OTOP1: variants seen among roughly 807,000 people sequenced by gnomAD.
OTOP1 encodes otopetrin 1, also known as proton channel OTOP1.
OTOP1 carries 59 observed loss-of-function variants against 52.9 expected under a neutral mutation model. The ratio of observed to expected loss-of-function variants is 1.12; its 90% CI spans 0.91 to 1.39. The LOEUF (loss-of-function observed/expected upper bound fraction) is 1.39, where lower values mean the gene tolerates loss of function less well. OTOP1 is among the 40% of genes most tolerant of loss of function. The probability of loss-of-function intolerance (pLI) is 0.00; values close to 1 mark genes in which losing one functional copy is unlikely to be tolerated. For synonymous variants in OTOP1, 317 were observed against 337.7 expected (o/e 0.94, Z 0.67); for missense variants, 761 against 800.9 (o/e 0.95, Z 0.60).
Position 4,201,882 on chromosome 4 carries a change from T to C in OTOP1, c.730+566A>G, listed in dbSNP as rs555634234. ...AATGTTCTCATATAGAAGTGACATA[T>C]TGTAAATGCTAAAGGATTTTAGATG... On this transcript the variant is annotated intron_variant, in intron 4 of 5. Transcript: ENST00000296358. Among the ~76,000 whole-genome samples, 19 of 152,240 alleles carry C rather than the reference T, an allele frequency of 1.2e-4. No individual in the cohort carries two copies. The East Asian group carries it at 3.3e-3, about 26-fold the overall frequency.
intron 1 of OTOP1, among the ~76,000 whole-genome samples, chr4:4,216,327 T>C (rs1717151644): frequency 6.6e-6 from 1 of 152,192 alleles, no homozygotes; most frequent in African/African-American, 2.4e-5. Context: ...AAGAAATTAG[T>C]GAGAAAAAGG....
rs2108808876 is a variant in OTOP1, at chr4:4,226,450, G to A, written c.403+12C>T. 2 of 1,460,694 alleles carry A rather than the reference G, an allele frequency of 1.4e-6. No individual in the cohort carries two copies. The highest frequency in any genetic ancestry group is 5.5e-5 in the East Asian group (2 of 36,090). The allele number at this position is 1,460,694 out of a possible 1,614,324, so 90.5% of individuals were successfully genotyped here. A position where few individuals can be genotyped will look rare whatever the true frequency, so the allele number is the denominator to read the frequency against. On this transcript the variant is annotated intron_variant, in intron 1 of 5. Transcript: ENST00000296358. ...GGAGGCGGAGACCCGCTCGCCCGGC[G>A]CCTGGACTCACCGCGCAGCCAGCCG...
At chr4:4,207,667 T>C (rs530938022) in intron 2 of OTOP1, among the ~76,000 whole-genome samples, 35 of 152,220 alleles carry the variant, frequency 2.3e-4, no homozygotes, top group East Asian at 1.9e-4. Flanking sequence ...CCCATGTTCA[T>C]AGCAGCATTA....
At chr4:4,190,730 GGACCCTGGAACCAA>G (rs1716482885) in intron 5 of OTOP1, among the ~76,000 whole-genome samples, 1 of 152,178 alleles carries the variant, frequency 6.6e-6, no homozygotes, top group South Asian at 2.1e-4. Flanking sequence ...TCCACCACGG[GGACCCTGGAACCAA>G]GACCCCTCTC....
At chr4:4,201,673 C>A (rs1030875946) in intron 4 of OTOP1, among the ~76,000 whole-genome samples, 33 of 152,034 alleles carry the variant, frequency 2.2e-4, no homozygotes, top group African/African-American at 7.7e-4. Flanking sequence ...AAAACTGCCA[C>A]AGACTTGCTG....
rs1560205219 is a variant in OTOP1 at position 4,197,150 on chromosome 4, A to G, written c.1668+16T>C. ...AAGTAAAATTAAAAGAATAAGAATAACTTGGTGCAGATTACCGAAATATTG... is the reference window on the plus strand; with the variant it reads ...AAGTAAAATTAAAAGAATAAGAATAGCTTGGTGCAGATTACCGAAATATTG... On this transcript the variant is annotated intron_variant, in intron 5 of 5. Transcript: ENST00000296358. 6.3e-7 allele frequency: 1 copy of G among 1,584,420 alleles called. No homozygotes were observed. The highest frequency in any genetic ancestry group is 8.6e-7 in the Non-Finnish European group (1 of 1,163,642).
chr4:4,191,757 T>G (rs1228808777), intron 5 of OTOP1, among the ~76,000 whole-genome samples: 2 of 152,208 alleles, frequency 1.3e-5, no homozygotes, highest in African/African-American at 4.8e-5. Context: ...GTGTCTTTCT[T>G]GCTCAGCTGA....
chr4:4,207,699 A>G (rs1206964471), intron 2 of OTOP1, among the ~76,000 whole-genome samples: 2 of 152,192 alleles, frequency 1.3e-5, no homozygotes, highest in Non-Finnish European at 2.9e-5. Flanking sequence ...CAAGAGGTAG[A>G]AGCAACTGAA....
In OTOP1 at chr4:4,206,150, G is replaced by T; in HGVS notation, c.541-20C>A. The T allele has an allele frequency of 6.4e-7, 1 of 1,573,238 alleles. No homozygotes were observed. ...ATATACCTAGATGGAAATAAAGAAAGAAAAGAAAAATCGGTGAGACACTCA... is the reference window on the plus strand; with the variant it reads ...ATATACCTAGATGGAAATAAAGAAATAAAAGAAAAATCGGTGAGACACTCA... On this transcript the variant is annotated intron_variant, in intron 2 of 5. Transcript: ENST00000296358.
chr4:4,216,998 T>C (rs1577183648), intron 1 of OTOP1, among the ~76,000 whole-genome samples: 1 of 152,174 alleles, frequency 6.6e-6, no homozygotes. Flanking sequence ...TTTGCATCTC[T>C]AACAAATTTT....
At chr4:4,190,339 C>T (rs147490993) in intron 5 of OTOP1, among the ~76,000 whole-genome samples, 5,352 of 152,142 alleles carry the variant, frequency 0.035, 294 homozygotes, top group African/African-American at 0.12. Flanking sequence ...CCAGGTATGG[C>T]GGCATGTGCC....
rs1716418653 is a variant in OTOP1 at position 4,188,866 on chromosome 4, A to G, written c.1776T>C (p.Pro592=). The change falls in exon 6 of 6, where the codon CCT becomes CCC. Residue 592 remains proline (P), a synonymous_variant. Coordinates refer to ENST00000296358, the MANE Select transcript of OTOP1 (RefSeq NM_177998.3). The part of the protein sequence containing the change: ...PWIIVVNLAM[P]FSIFYRMHAA... ...CGTGCATTCGATAGAAAATAGAAAA[A>G]GGCATGGCCAGGTTGACCACAATTA... is the stretch of plus-strand genomic sequence containing the variant. 2 of 1,613,910 alleles carry G rather than the reference A, an allele frequency of 1.2e-6. No individual in the cohort carries two copies. The highest frequency in any genetic ancestry group is 1.7e-6 in the Non-Finnish European group (2 of 1,179,808).
intron 5 of OTOP1, among the ~76,000 whole-genome samples, chr4:4,196,264 AG>A (rs1457350867): frequency 1.3e-5 from 2 of 152,136 alleles, no homozygotes; most frequent in African/African-American, 4.8e-5. Flanking sequence ...ACAAAAAAAA[AG>A]TTTTGGCCAG....
chr4:4,197,138 AG>A (rs1212932651), intron 5 of OTOP1, 27 bp downstream of exon 5: 1 of 1,552,092 alleles, frequency 6.4e-7, no homozygotes, highest in Non-Finnish European at 8.7e-7. Context: ...TAAAATTAAA[AG>A]AATAAGAATA....
chr4:4,201,461 T>TAC (rs1167229533), intron 4 of OTOP1, among the ~76,000 whole-genome samples: 13 of 132,850 alleles, frequency 9.8e-5, no homozygotes, highest in Admixed American at 7.8e-4. Context: ...AATAAATAAA[T>TAC]ATATATATAT....
intron 4 of OTOP1, among the ~76,000 whole-genome samples, chr4:4,200,305 C>A (rs577078298): frequency 6.6e-6 from 1 of 151,940 alleles, no homozygotes; most frequent in African/African-American, 2.4e-5. Context: ...ACCATCCTGG[C>A]TCTACTAAAA....
chr4:4,190,065 C>G (rs569519808), intron 5 of OTOP1, among the ~76,000 whole-genome samples: 1 of 152,320 alleles, frequency 6.6e-6, no homozygotes, highest in East Asian at 1.9e-4. Context: ...CAATAAGTAA[C>G]TGAGACACAT....
intron 1 of OTOP1, among the ~76,000 whole-genome samples, chr4:4,219,926 CAT>C (rs1467576280): frequency 5.0e-4 from 70 of 138,844 alleles, no homozygotes; most frequent in African/African-American, 1.8e-3. Flanking sequence ...TATACGTATA[CAT>C]GTATACATAT....
At chr4:4,213,028 G>T (rs1229290544) in intron 1 of OTOP1, 24 bp from the exon 2 acceptor site, 2 of 1,610,978 alleles carry the variant, frequency 1.2e-6, no homozygotes, top group East Asian at 2.2e-5. Flanking sequence ...GAAGGGGGAA[G>T]TGGAAACACA....
Sources: gnomAD v4.1 joint callset for allele counts (sites outside exome capture counted in the v4.1 genomes callset) on GRCh38, gnomAD v4.1.1 for gene constraint, MANE v1.5 for transcripts, NCBI Gene and HGNC (gene_info 2026-07-23, HGNC 2026-07-21) for gene names.